ERGIC1: variants seen among roughly 807,000 people sequenced by gnomAD.
ERGIC1 encodes endoplasmic reticulum-Golgi intermediate compartment protein 1.
In ERGIC1, 19 loss-of-function variants were observed where a neutral mutation model predicts 38.3. The observed-to-expected ratio is 0.50, with a 90% CI of 0.35 to 0.73. The LOEUF (loss-of-function observed/expected upper bound fraction) is 0.73. Ranked by LOEUF, ERGIC1 falls within the 30% of genes least tolerant of loss-of-function variation. The pLI is 0.01. For missense variants in ERGIC1, 294 were observed against 389.2 expected (o/e 0.76, Z 2.06); for synonymous variants, 124 against 157.6 (o/e 0.79, Z 1.60).
At chr5:172,931,857 CTTTTTT>C (rs375589121) in intron 7 of ERGIC1, among the ~76,000 whole-genome samples, 21 of 123,062 alleles carry the variant, frequency 1.7e-4, no homozygotes, top group African/African-American at 3.7e-4. Context: ...AGCACCCACA[CTTTTTT>C]TTTTTTTTTT....
intron 3 of ERGIC1, among the ~76,000 whole-genome samples, chr5:172,909,022 AT>A (rs371914622): frequency 7.8e-4 from 119 of 152,262 alleles, no homozygotes; most frequent in African/African-American, 2.8e-3. Flanking sequence ...GGGTGGTGTT[AT>A]CCCCACTTAA....
At chr5:172,911,263 C>T (rs1043095695) in intron 4 of ERGIC1, among the ~76,000 whole-genome samples, 10 of 152,180 alleles carry the variant, frequency 6.6e-5, no homozygotes, top group Non-Finnish European at 1.2e-4. Context: ...AGCCAGGGAA[C>T]CTGTTGAAAT....
Position 172,926,387 on chromosome 5 carries a change from C to T in ERGIC1, c.481-122C>T. ...CTTGCTCCCCACAAATCCGCTGGAG[C>T]CCCCTTTTACACATTGGTAGGGTTC... On this transcript the variant is annotated intron_variant, in intron 6 of 9. Coordinates refer to ENST00000393784, the MANE Select transcript of ERGIC1 (RefSeq NM_001031711.3). The surrounding 1 kb of genome is among the most constrained non-coding windows in gnomAD (Gnocchi z 5.2). 9.9e-7 allele frequency: 1 copy of T among 1,012,320 alleles called. No individual in the cohort carries two copies. Among genetic ancestry groups the T allele is most frequent in the African/African-American group, 1.6e-5 (1 of 62,668 alleles). 62.7% of individuals were successfully genotyped at this position (1,012,320 alleles called of 1,614,324 possible).
intron 9 of ERGIC1, among the ~76,000 whole-genome samples, chr5:172,945,264 G>T (rs1184056124): frequency 6.6e-6 from 1 of 152,184 alleles, no homozygotes; most frequent in African/African-American, 2.4e-5. Flanking sequence ...ACTGCCTGAG[G>T]GAACAGGACA....
chr5:172,865,409 A>G (rs1761831477), intron 1 of ERGIC1, among the ~76,000 whole-genome samples: 1 of 152,234 alleles, frequency 6.6e-6, no homozygotes. Flanking sequence ...GCCAGTGCAA[A>G]GGGTTCCCAA....
rs201543576 is a variant in ERGIC1 at position 172,923,029 on chromosome 5, A to AG, written c.376-970dup. Among the ~76,000 whole-genome samples, 73 of 152,088 alleles carry AG rather than the reference A, an allele frequency of 4.8e-4. No homozygotes were observed. In the East Asian group the frequency reaches 0.012, roughly 25 times the overall value. On this transcript the variant is annotated intron_variant, in intron 5 of 9. Coordinates refer to ENST00000393784, the MANE Select transcript of ERGIC1 (RefSeq NM_001031711.3). ...ATGGATGGGACGTCGGGAGTGAGAA[A>AG]GGGGGGTTCCAGGATCATACCAAGG...
At chr5:172,910,866 T>C (rs1763191343) in intron 4 of ERGIC1, among the ~76,000 whole-genome samples, 1 of 152,168 alleles carries the variant, frequency 6.6e-6, no homozygotes, top group Non-Finnish European at 1.5e-5. Flanking sequence ...ATTTGAAGTC[T>C]GATTTGGAGT....
At chr5:172,871,453 C>T (rs996019805) in intron 1 of ERGIC1, among the ~76,000 whole-genome samples, 3 of 152,222 alleles carry the variant, frequency 2.0e-5, no homozygotes, top group East Asian at 1.9e-4. Context: ...GAGCCCCATC[C>T]GAAGGGCCCT....
rs1343841665 is a variant in ERGIC1, at chr5:172,849,924, A to G, written c.20+15491A>G. On this transcript the variant is annotated intron_variant, in intron 1 of 9. Transcript: ENST00000393784. ...TCTCTGGGGTATCAGGAGCAGTGCT[A>G]CAAACTATAAATATCATCTTCTTCT... Among the ~76,000 whole-genome samples, 5 of 152,234 alleles carry G rather than the reference A, an allele frequency of 3.3e-5. No individual in the cohort carries two copies. In the East Asian group the frequency reaches 9.6e-4, roughly 29 times the overall value.
rs113825632 is a variant in ERGIC1 at position 172,864,328 on chromosome 5, C to CATGATCTCA, written c.21-24370_21-24362dup. On this transcript the variant is annotated intron_variant, in intron 1 of 9. Coordinates refer to ENST00000393784, the MANE Select transcript of ERGIC1 (RefSeq NM_001031711.3). The stretch of plus-strand genomic sequence containing the variant: ...TGTCACCCAGCCCAGAGTGCAATGG[C>CATGATCTCA]ATGATCTCAGCTCACTGCAACCTCC... 3.0e-3 allele frequency among the ~76,000 whole-genome samples: 384 copies of CATGATCTCA among 125,960 alleles called. 3 individuals are homozygous for CATGATCTCA. The highest frequency in any genetic ancestry group is 0.011 in the African/African-American group (351 of 32,008). The allele number at this position is 125,960 out of a possible 152,430, so 82.6% of individuals were successfully genotyped here.
intron 3 of ERGIC1, among the ~76,000 whole-genome samples, chr5:172,903,267 G>A (rs1180987266): frequency 6.6e-6 from 1 of 152,158 alleles, no homozygotes; most frequent in Non-Finnish European, 1.5e-5. Context: ...AGAGGCTTGT[G>A]GGACAGACGC....
chr5:172,905,539 G>T (rs1030167669), intron 3 of ERGIC1: 11 of 439,030 alleles, frequency 2.5e-5, no homozygotes, highest in African/African-American at 2.0e-4. Flanking sequence ...CCAGCGACTA[G>T]TGTGCAGCTC....
rs1485862089 is a variant in ERGIC1, at chr5:172,923,349, A to G, written c.376-656A>G. Among the ~76,000 whole-genome samples the G allele has an allele frequency of 4.8e-4, 68 of 140,216 alleles. 1 individual carries two copies. The highest frequency in any genetic ancestry group is 1.5e-3 in the African/African-American group (57 of 37,618). 92.0% of individuals were successfully genotyped at this position (140,216 alleles called of 152,430 possible). On this transcript the variant is annotated intron_variant, in intron 5 of 9. Coordinates refer to ENST00000393784, the MANE Select transcript of ERGIC1 (RefSeq NM_001031711.3). ...AGGATCATACTAAGGGTTCTAGTCT[A>G]AGCATCTGGGAGGAGGAGGGGGAGG...
intron 1 of ERGIC1, among the ~76,000 whole-genome samples, chr5:172,863,841 G>A (rs773142689): frequency 1.9e-4 from 29 of 152,240 alleles, no homozygotes; most frequent in Non-Finnish European, 2.5e-4. Flanking sequence ...GCTTTTAATC[G>A]CTTTTGACAT....
chr5:172,920,299 C>T, intron 5 of ERGIC1: 1 of 717,292 alleles, frequency 1.4e-6, no homozygotes, highest in Non-Finnish European at 2.6e-6. Flanking sequence ...CAGCAGCCAG[C>T]CCCCGCACCT....
intron 8 of ERGIC1, 73 bp from the exon 9 acceptor site, chr5:172,935,115 G>T: frequency 6.2e-7 from 1 of 1,605,932 alleles, no homozygotes; most frequent in East Asian, 2.2e-5. Flanking sequence ...TTGCTGGGGG[G>T]CCCTCTGCAA....
At chr5:172,919,368 C>G (rs531941359) in intron 5 of ERGIC1, among the ~76,000 whole-genome samples, 1 of 152,318 alleles carries the variant, frequency 6.6e-6, no homozygotes, top group Admixed American at 6.5e-5. Flanking sequence ...AATATATGTA[C>G]CCCAGATGGT....
intron 1 of ERGIC1, among the ~76,000 whole-genome samples, chr5:172,839,284 G>A (rs1761102303): frequency 6.6e-6 from 1 of 151,386 alleles, no homozygotes; most frequent in African/African-American, 2.4e-5. Context: ...GGCCAGGTGT[G>A]GTAGCTCACA....
rs182958470 is a variant in ERGIC1, at chr5:172,856,686, C to T, written c.20+22253C>T. ...CCCTACAGCTTAGAGGAGGGAGCAC[C>T]GAAAGTCTTTTGGTATGGGTTAGAA... On this transcript the variant is annotated intron_variant, in intron 1 of 9. Transcript: ENST00000393784. Among the ~76,000 whole-genome samples, 44 of 152,214 alleles carry T rather than the reference C, an allele frequency of 2.9e-4. No homozygotes were observed. The South Asian group carries it at 6.6e-3, about 23-fold the overall frequency.
Sources: allele counts gnomAD v4.1 joint callset (sites outside exome capture counted in the v4.1 genomes callset), GRCh38; gene constraint gnomAD v4.1.1; non-coding constraint Gnocchi (gnomAD v3.1); transcripts MANE v1.5; gene names NCBI Gene and HGNC (gene_info 2026-07-23, HGNC 2026-07-21).